FOXK1: variants seen among roughly 807,000 people sequenced by gnomAD.
The protein encoded by FOXK1 is forkhead box protein K1.
Under a neutral mutation model 51.9 loss-of-function variants are expected in FOXK1, and 19 were observed. The ratio of observed to expected loss-of-function variants is 0.37; its 90% confidence interval spans 0.26 to 0.54. FOXK1 has a LOEUF of 0.54. Among genes scored for constraint, FOXK1 ranks in the 20% least tolerant of loss-of-function variants. The probability of loss-of-function intolerance (pLI) is 0.87; values close to 1 mark genes in which losing one functional copy is unlikely to be tolerated. For missense variants in FOXK1, 870 were observed against 1,032.7 expected, an observed-to-expected ratio of 0.84 and a Z score of 2.16; for synonymous variants, 537 against 482.6, an observed-to-expected ratio of 1.11 and a Z score of -1.48.
chr7:4,740,292 T>C lies in FOXK1; in HGVS notation c.561-546T>C, dbSNP rs187060888. Among the ~76,000 whole-genome samples, 903 of 151,850 alleles carry C rather than the reference T, an allele frequency of 5.9e-3. 10 individuals are homozygous for C. The highest frequency in any genetic ancestry group is 0.021 in the African/African-American group (855 of 41,426). ...AAAAATATAAAAAATTAGCCGGGCGTGGTGGCGGGCGCCTGTAGTCCCAGC... is the reference window on the plus strand; with the variant it reads ...AAAAATATAAAAAATTAGCCGGGCGCGGTGGCGGGCGCCTGTAGTCCCAGC... On this transcript the variant is annotated intron_variant, in intron 1 of 8. Coordinates refer to ENST00000328914, the MANE Select transcript of FOXK1 (RefSeq NM_001037165.2).
At chr7:4,696,295 A>G (rs1307912014) in intron 1 of FOXK1, among the ~76,000 whole-genome samples, 2 of 152,128 alleles carry the variant, frequency 1.3e-5, no homozygotes, top group Non-Finnish European at 2.9e-5. Context: ...ATGTAGGGGA[A>G]ATAAATCGCC....
At chr7:4,708,823 G>A (rs1277809683) in intron 1 of FOXK1, among the ~76,000 whole-genome samples, 1 of 152,206 alleles carries the variant, frequency 6.6e-6, no homozygotes, top group African/African-American at 2.4e-5. Context: ...CCAGCACTTT[G>A]GGAGGCTGAG....
chr7:4,719,800 A>G (rs1279661735), intron 1 of FOXK1, among the ~76,000 whole-genome samples: 1 of 152,118 alleles, frequency 6.6e-6, no homozygotes, highest in East Asian at 1.9e-4. Flanking sequence ...ACATCTCTTC[A>G]TGTGCTTATT....
At chr7:4,696,089 CTGG>C (rs1299220580) in intron 1 of FOXK1, among the ~76,000 whole-genome samples, 1 of 149,222 alleles carries the variant, frequency 6.7e-6, no homozygotes, top group Non-Finnish European at 1.5e-5. Flanking sequence ...GCACTCCAGC[CTGG>C]GCGACAGAGC....
rs940469438 is a variant in FOXK1 at position 4,682,313 on chromosome 7, C to A, written c.5C>A (p.Ala2Asp). Residue 2 changes from alanine (A) to aspartate (D), a missense_variant, in exon 1 of 9, where the codon GCC (alanine) becomes GAC (aspartate). By Grantham distance (126) the Ala-to-Asp change is moderately radical (BLOSUM62 -2). This residue lies in a region of FOXK1 where 399 missense variants were observed against 475.6 expected (regional missense o/e 0.84). Coordinates refer to ENST00000328914, the MANE Select transcript of FOXK1 (RefSeq NM_001037165.2). The surrounding 1 kb of genome is among the most constrained non-coding windows in gnomAD (Gnocchi z 7.6). ...GCCGCTCGGAGCCGCGCGAACATGG[C>A]CGAAGTCGGCGAGGACAGCGGCGCC... M[A>D]EVGEDSGARA... 3 of 991,926 alleles carry A rather than the reference C, an allele frequency of 3.0e-6. No homozygotes were observed. Among genetic ancestry groups the A allele is most frequent in the Non-Finnish European group, 3.6e-6 (3 of 836,678 alleles). The allele number at this position is 991,926 out of a possible 1,614,324, so 61.4% of individuals were successfully genotyped here. A position where few individuals can be genotyped will look rare whatever the true frequency, so the allele number is the denominator to read the frequency against.
intron 1 of FOXK1, among the ~76,000 whole-genome samples, chr7:4,721,408 G>A (rs551108535): frequency 1.3e-5 from 2 of 152,138 alleles, no homozygotes; most frequent in East Asian, 3.9e-4. Context: ...CCTGTTTCCT[G>A]CAGGTGACAG....
chr7:4,761,459 A>G lies in FOXK1; in HGVS notation c.1921+171A>G, dbSNP rs1215581805. Among the ~76,000 whole-genome samples the G allele has an allele frequency of 1.3e-5, 2 of 152,166 alleles. No individual in the cohort carries two copies. Among genetic ancestry groups the G allele is most frequent in the African/African-American group, 4.8e-5 (2 of 41,440 alleles). On this transcript the variant is annotated intron_variant, in intron 8 of 8. Coordinates refer to ENST00000328914, the MANE Select transcript of FOXK1 (RefSeq NM_001037165.2). This position sits in a 1 kb window ranked among gnomAD's most constrained non-coding sequence, Gnocchi z 6.2. Reference sequence around the variant, plus strand: ...GTAATGCAAAGAAAAAGAGGGTGGAAGGGGCCACCTATCATCCCAGCACCT... The same window carrying G: ...GTAATGCAAAGAAAAAGAGGGTGGAGGGGGCCACCTATCATCCCAGCACCT...
At chr7:4,719,974 C>A (rs1303027417) in intron 1 of FOXK1, among the ~76,000 whole-genome samples, 1 of 152,172 alleles carries the variant, frequency 6.6e-6, no homozygotes, top group African/African-American at 2.4e-5. Flanking sequence ...TGGACGCCTG[C>A]GCCCATCCAG....
At chr7:4,742,478 G>A (rs760649633) in intron 2 of FOXK1, among the ~76,000 whole-genome samples, 2 of 152,122 alleles carry the variant, frequency 1.3e-5, no homozygotes, top group African/African-American at 2.4e-5. Context: ...GTGCAGTGGC[G>A]CAATCATAGC....
rs1780751983 is a variant in FOXK1, at chr7:4,749,837, T to G, written c.747-4622T>G. ...GCGGCTCCAGAGGTGGCTTTAGGTC[T>G]GTTGTTGGATTTGCCTTTCTCAGCG... On this transcript the variant is annotated intron_variant, in intron 2 of 8. Transcript: ENST00000328914. This position sits in a 1 kb window ranked among gnomAD's most constrained non-coding sequence, Gnocchi z 6.0. Among the ~76,000 whole-genome samples, 1 of 152,208 alleles carries G rather than the reference T, an allele frequency of 6.6e-6. No homozygotes were observed. The highest frequency in any genetic ancestry group is 6.5e-5 in the Admixed American group (1 of 15,286).
chr7:4,703,366 T>C lies in FOXK1; in HGVS notation c.560+20498T>C, dbSNP rs1409701217. On this transcript the variant is annotated intron_variant, in intron 1 of 8. Transcript: ENST00000328914. This position sits in a 1 kb window ranked among gnomAD's most constrained non-coding sequence, Gnocchi z 5.6. ...GTAGGGCGTTGTGACAGCCTGGCTC[T>C]CAGGGGATGGGAGGACAACTCGCTG... is the stretch of plus-strand genomic sequence containing the variant. Among the ~76,000 whole-genome samples the C allele has an allele frequency of 1.3e-5, 2 of 152,170 alleles. No individual in the cohort carries two copies. The highest frequency in any genetic ancestry group is 3.9e-4 in the East Asian group (2 of 5,186).
At position 4,715,532 on chromosome 7, in the gene FOXK1, C is replaced by G. The variant is rs1211503907; in HGVS notation, c.561-25306C>G. The stretch of plus-strand genomic sequence containing the variant: ...GAGCTCTGAGAAGCTCTTCATCTAT[C>G]AGCAGTCAGCTTTCCACTTAAGCAG... On this transcript the variant is annotated intron_variant, in intron 1 of 8. Transcript: ENST00000328914. This position sits in a 1 kb window ranked among gnomAD's most constrained non-coding sequence, Gnocchi z 4.5. Among the ~76,000 whole-genome samples, 1 of 152,228 alleles carries G rather than the reference C, an allele frequency of 6.6e-6. No homozygotes were observed. The highest frequency in any genetic ancestry group is 1.5e-5 in the Non-Finnish European group (1 of 68,048).
intron 2 of FOXK1, among the ~76,000 whole-genome samples, chr7:4,750,669 C>T (rs1045412526): frequency 5.9e-5 from 9 of 151,654 alleles, no homozygotes; most frequent in East Asian, 1.9e-4. Flanking sequence ...AGGATGGTCT[C>T]GATCTCCTAA....
Position 4,707,944 on chromosome 7 carries a change from A to G in FOXK1, c.560+25076A>G, listed in dbSNP as rs1780125716. On this transcript the variant is annotated intron_variant, in intron 1 of 8. Transcript: ENST00000328914. This position sits in a 1 kb window ranked among gnomAD's most constrained non-coding sequence, Gnocchi z 4.1. ...GTGATCCACCCTCCTCAGCCTCCCA[A>G]AGTGCTGGGATTACACCCATGAGCC... Among the ~76,000 whole-genome samples, 2 of 151,926 alleles carry G rather than the reference A, an allele frequency of 1.3e-5. No homozygotes were observed. The highest frequency in any genetic ancestry group is 4.2e-4 in the South Asian group (2 of 4,814).
intron 1 of FOXK1, among the ~76,000 whole-genome samples, chr7:4,686,565 G>T (rs1779821439): frequency 6.6e-6 from 1 of 152,136 alleles, no homozygotes; most frequent in Non-Finnish European, 1.5e-5. Flanking sequence ...ATTCAGCTTT[G>T]CTTGGTGTTG....
chr7:4,725,005 C>T (rs1441612171), intron 1 of FOXK1, among the ~76,000 whole-genome samples: 3 of 152,324 alleles, frequency 2.0e-5, no homozygotes, highest in Admixed American at 6.5e-5. Flanking sequence ...GGGGGAGCCC[C>T]GCCCTCCTAA....
chr7:4,703,009 A>T lies in FOXK1; in HGVS notation c.560+20141A>T, dbSNP rs1324171102. On this transcript the variant is annotated intron_variant, in intron 1 of 8. Transcript: ENST00000328914. The surrounding 1 kb of genome is among the most constrained non-coding windows in gnomAD (Gnocchi z 5.6). ...TCCTGAGCTCCTGGCCTGTGTCTCC[A>T]CCTAAAAGGCCGTCCTCAGCTCCCC... Among the ~76,000 whole-genome samples the T allele has an allele frequency of 6.6e-6, 1 of 151,842 alleles. No homozygotes were observed. The highest frequency in any genetic ancestry group is 6.6e-5 in the Admixed American group (1 of 15,260).
chr7:4,705,092 A>G (rs896201310), intron 1 of FOXK1, among the ~76,000 whole-genome samples: 21 of 152,136 alleles, frequency 1.4e-4, no homozygotes, highest in Admixed American at 1.3e-3. Flanking sequence ...GCAGCCTCCC[A>G]AAGTACTGGG....
chr7:4,714,644 T>C (rs1406208490), intron 1 of FOXK1, among the ~76,000 whole-genome samples: 1 of 152,246 alleles, frequency 6.6e-6, no homozygotes, highest in Non-Finnish European at 1.5e-5. Context: ...TAGGAGTGCG[T>C]GCTTGCTTTG....
Sources: allele counts gnomAD v4.1 joint callset (sites outside exome capture counted in the v4.1 genomes callset), GRCh38; gene constraint gnomAD v4.1.1; regional missense constraint gnomAD v4.1.1; non-coding constraint Gnocchi (gnomAD v3.1); transcripts MANE v1.5; gene names NCBI Gene and HGNC (gene_info 2026-07-23, HGNC 2026-07-21).